The following NRXN1 variants were observed in gnomAD, a reference collection of about 807,000 sequenced individuals.
The protein encoded by NRXN1 is neurexin-1.
Under a neutral mutation model 150.9 loss-of-function variants are expected in NRXN1, and 39 were observed. The ratio of observed to expected loss-of-function variants is 0.26; its 90% CI spans 0.20 to 0.34. The LOEUF is 0.34. NRXN1 is among the 10% of genes least tolerant of loss of function. The probability of loss-of-function intolerance (pLI) is 1.00; values close to 1 mark genes in which losing one functional copy is unlikely to be tolerated. For missense variants in NRXN1, 1,815 were observed against 1,949.9 expected, an observed-to-expected ratio of 0.93 and a Z score of 1.30; for synonymous variants, 924 against 757.0, an observed-to-expected ratio of 1.22 and a Z score of -3.62.
At chr2:50,586,521 AT>A (rs540084559) in intron 8 of NRXN1, among the ~76,000 whole-genome samples, 311 of 152,226 alleles carry the variant, frequency 2.0e-3, no homozygotes, top group African/African-American at 7.2e-3. Flanking sequence ...CACATATTAA[AT>A]TTTTTAATGA....
chr2:49,924,069 C>T (rs887424379), intron 22 of NRXN1, among the ~76,000 whole-genome samples: 3 of 152,200 alleles, frequency 2.0e-5, no homozygotes, highest in African/African-American at 7.2e-5. Flanking sequence ...CCAAAGGCAG[C>T]ACTTTTTCTT....
At chr2:50,236,679 A>T (rs1269251436) in intron 18 of NRXN1, 110 bp downstream of exon 18, 4 of 927,078 alleles carry the variant, frequency 4.3e-6, no homozygotes, top group African/African-American at 1.6e-5. Context: ...TTCCTATAAC[A>T]AAGTACTGGT....
chr2:50,717,861 C>A (rs1466829388), intron 5 of NRXN1, among the ~76,000 whole-genome samples: 1 of 152,112 alleles, frequency 6.6e-6, no homozygotes, highest in African/African-American at 2.4e-5. Flanking sequence ...TGTAAAGGGA[C>A]TCTTTTGTAA....
intron 5 of NRXN1, among the ~76,000 whole-genome samples, chr2:50,914,202 C>A (rs1300280988): frequency 6.6e-6 from 1 of 151,420 alleles, no homozygotes; most frequent in Non-Finnish European, 1.5e-5. Context: ...CTTGGACATA[C>A]AATAATGTAT....
intron 5 of NRXN1, among the ~76,000 whole-genome samples, chr2:50,873,397 A>T (rs1332871782): frequency 6.6e-6 from 1 of 151,860 alleles, no homozygotes; most frequent in East Asian, 1.9e-4. Context: ...CTTCTAAAGA[A>T]TTTCATGATT....
At chr2:50,215,466 T>C (rs2152849396) in intron 18 of NRXN1, among the ~76,000 whole-genome samples, 1 of 152,150 alleles carries the variant, frequency 6.6e-6, no homozygotes, top group African/African-American at 2.4e-5. Context: ...AATCAAATAT[T>C]ACTGGGTGAA....
At chr2:50,365,432 T>A (rs550247333) in intron 17 of NRXN1, among the ~76,000 whole-genome samples, 53 of 152,182 alleles carry the variant, frequency 3.5e-4, no homozygotes, top group African/African-American at 1.2e-3. Context: ...AGGAAAATCA[T>A]GAGTCTATTT....
chr2:50,488,922 T>A (rs2091064632), intron 15 of NRXN1, among the ~76,000 whole-genome samples: 1 of 152,186 alleles, frequency 6.6e-6, no homozygotes, highest in South Asian at 2.1e-4. Flanking sequence ...CAAAGGCTCA[T>A]CTCTGGATGA....
intron 19 of NRXN1, among the ~76,000 whole-genome samples, chr2:50,090,662 AAAC>A (rs1407111192): frequency 6.6e-6 from 1 of 152,182 alleles, no homozygotes; most frequent in Non-Finnish European, 1.5e-5. Flanking sequence ...CATTCACAAT[AAAC>A]AAGATAATTT....
At chr2:50,104,800 T>A (rs1300722587) in intron 18 of NRXN1, among the ~76,000 whole-genome samples, 2 of 152,022 alleles carry the variant, frequency 1.3e-5, no homozygotes, top group African/African-American at 2.4e-5. Context: ...AAGTCCAACA[T>A]GCTTACAAGA....
chr2:50,217,313 C>T (rs1264472412), intron 18 of NRXN1, among the ~76,000 whole-genome samples: 5 of 151,956 alleles, frequency 3.3e-5, no homozygotes, highest in Non-Finnish European at 7.4e-5. Flanking sequence ...TAAAAATCAC[C>T]TTTGAACAGG....
intron 2 of NRXN1, among the ~76,000 whole-genome samples, chr2:50,995,017 A>C (rs1311960826): frequency 6.6e-6 from 1 of 152,098 alleles, no homozygotes; most frequent in Admixed American, 6.6e-5. Context: ...ATAGGGTAAT[A>C]ACATTGAATA....
chr2:50,990,769 C>G (rs1412305795), intron 2 of NRXN1, among the ~76,000 whole-genome samples: 1 of 151,930 alleles, frequency 6.6e-6, no homozygotes, highest in East Asian at 1.9e-4. Flanking sequence ...GAGCTGTTTC[C>G]CAGATCCATG....
At chr2:50,835,421 A>T (rs956476792) in intron 5 of NRXN1, among the ~76,000 whole-genome samples, 10 of 152,152 alleles carry the variant, frequency 6.6e-5, no homozygotes, top group African/African-American at 2.2e-4. Flanking sequence ...ACATTTAAAA[A>T]TATTTTGATA....
At chr2:50,155,585 A>G (rs1266725328) in intron 18 of NRXN1, among the ~76,000 whole-genome samples, 1 of 151,678 alleles carries the variant, frequency 6.6e-6, no homozygotes, top group Non-Finnish European at 1.5e-5. Flanking sequence ...ATAAAAAACA[A>G]TACAAGTTTA....
At chr2:50,406,769 C>G (rs558513146) in intron 17 of NRXN1, among the ~76,000 whole-genome samples, 2 of 152,142 alleles carry the variant, frequency 1.3e-5, no homozygotes, top group African/African-American at 2.4e-5. Flanking sequence ...ATGACTGACT[C>G]TCTTCCATGT....
chr2:51,005,480 A>G (rs570832655), intron 2 of NRXN1, among the ~76,000 whole-genome samples: 1 of 152,170 alleles, frequency 6.6e-6, no homozygotes, highest in East Asian at 1.9e-4. Flanking sequence ...AAGAAATAAA[A>G]TATTTAACAG....
At chr2:50,226,792 A>AC (rs1418956061) in intron 18 of NRXN1, among the ~76,000 whole-genome samples, 2 of 151,612 alleles carry the variant, frequency 1.3e-5, no homozygotes, top group Admixed American at 6.6e-5. Flanking sequence ...TGTATCTCTA[A>AC]CCCCCCCAAA....
chr2:50,679,318 T>C (rs1218886662), intron 5 of NRXN1, among the ~76,000 whole-genome samples: 1 of 152,054 alleles, frequency 6.6e-6, no homozygotes, highest in Admixed American at 6.6e-5. Flanking sequence ...CTTATTTTGA[T>C]GGGCACAATC....
Sources: gnomAD v4.1 joint callset for allele counts (sites outside exome capture counted in the v4.1 genomes callset) on GRCh38, gnomAD v4.1.1 for gene constraint, MANE v1.5 for transcripts, NCBI Gene and HGNC (gene_info 2026-07-23, HGNC 2026-07-21) for gene names.